The following ABHD5 variants were observed in gnomAD, a reference collection of about 807,000 sequenced individuals.
The protein encoded by ABHD5 is 1-acylglycerol-3-phosphate O-acyltransferase ABHD5.
Under a neutral mutation model 44.9 loss-of-function variants are expected in ABHD5, and 30 were observed. The ratio of observed to expected loss-of-function variants is 0.67; its 90% CI spans 0.50 to 0.91. The LOEUF (loss-of-function observed/expected upper bound fraction) is 0.91. Ranked by LOEUF, ABHD5 falls within the 40% of genes least tolerant of loss-of-function variation. The pLI is 0.00. For synonymous variants in ABHD5, 167 were observed against 147.0 expected (o/e 1.14, Z -0.99); for missense variants, 399 against 423.4 (o/e 0.94, Z 0.50).
At chr3:43,714,449 A>G (rs1256735374) in intron 4 of ABHD5, among the ~76,000 whole-genome samples, 3 of 152,038 alleles carry the variant, frequency 2.0e-5, no homozygotes, top group African/African-American at 7.2e-5. Context: ...GGCTTTTTCT[A>G]GAGTGGGGCT....
At chr3:43,702,908 G>T (rs953949090) in intron 3 of ABHD5, among the ~76,000 whole-genome samples, 1 of 152,072 alleles carries the variant, frequency 6.6e-6, no homozygotes, top group Non-Finnish European at 1.5e-5. Context: ...TATGAATCCA[G>T]CAGGCTTCGT....
chr3:43,702,179 A>C, intron 2 of ABHD5, 36 bp from the exon 3 acceptor site: 3 of 1,561,364 alleles, frequency 1.9e-6, no homozygotes, highest in Non-Finnish European at 2.6e-6. Context: ...AGAAGTAATA[A>C]AATGAAACAG....
At chr3:43,701,635 C>G (rs1207454287) in intron 2 of ABHD5, among the ~76,000 whole-genome samples, 1 of 152,184 alleles carries the variant, frequency 6.6e-6, no homozygotes, top group Non-Finnish European at 1.5e-5. Context: ...CCTGGTGTGT[C>G]ATGCTGAGGA....
chr3:43,703,047 A>G (rs906822095), intron 3 of ABHD5, among the ~76,000 whole-genome samples: 31 of 152,174 alleles, frequency 2.0e-4, no homozygotes, highest in Admixed American at 2.0e-3. Context: ...TTTTACCTAA[A>G]CTATAGAAAA....
chr3:43,718,802 G>T lies in ABHD5; in HGVS notation c.*270G>T, dbSNP rs374866960. On this transcript the variant is annotated 3_prime_UTR_variant, in exon 7 of 7. Coordinates refer to ENST00000644371, the MANE Select transcript of ABHD5 (RefSeq NM_016006.6). ...ATAAAAGGTTATTTGTCCCTCTGAT[G>T]TACTGAAAAACTGTAATTTTTCAGC... The T allele has an allele frequency of 5.6e-6, 2 of 355,860 alleles. No individual in the cohort carries two copies. Among genetic ancestry groups the T allele is most frequent in the Non-Finnish European group, 5.2e-6 (1 of 192,880 alleles). The allele number at this position is 355,860 out of a possible 1,614,324, so 22.0% of individuals were successfully genotyped here.
At chr3:43,691,269 C>T (rs1049832065) in intron 1 of ABHD5, 13 of 381,964 alleles carry the variant, frequency 3.4e-5, no homozygotes, top group Non-Finnish European at 5.0e-5. Context: ...CTGAGCCGGA[C>T]TCCGGCCGCG....
Position 43,702,318 on chromosome 3 carries a change from C to A in ABHD5, c.237C>A (p.Val79=), listed in dbSNP as rs772479012. The stretch of plus-strand genomic sequence containing the variant: ...ATATTTCAAATAAGACTCCACTTGT[C>A]CTTCTCCATGGTTTTGGAGGAGGTC... ...SHNISNKTPL[V]LLHGFGGGLG... Residue 79 remains valine (V), a synonymous_variant, in exon 3 of 7, where the codon GTC becomes GTA. Coordinates refer to ENST00000644371, the MANE Select transcript of ABHD5 (RefSeq NM_016006.6). 6.2e-7 allele frequency: 1 copy of A among 1,611,130 alleles called. No individual in the cohort carries two copies. The highest frequency in any genetic ancestry group is 1.1e-5 in the South Asian group (1 of 91,028).
At chr3:43,714,235 A>G (rs2084729610) in intron 4 of ABHD5, among the ~76,000 whole-genome samples, 1 of 151,388 alleles carries the variant, frequency 6.6e-6, no homozygotes, top group Non-Finnish European at 1.5e-5. Context: ...CCCAGGTTCA[A>G]GTGATTCTCC....
intron 4 of ABHD5, among the ~76,000 whole-genome samples, chr3:43,712,085 A>C (rs777170197): frequency 2.0e-4 from 31 of 152,186 alleles, no homozygotes; most frequent in Non-Finnish European, 3.4e-4. Context: ...AATAATTAGC[A>C]AAGCAGAAAA....
chr3:43,711,036 G>C (rs1415899385), intron 3 of ABHD5, among the ~76,000 whole-genome samples: 3 of 152,166 alleles, frequency 2.0e-5, no homozygotes, highest in Non-Finnish European at 4.4e-5. Context: ...AGAAAATTGG[G>C]AAAGAATTGA....
chr3:43,706,507 G>GCA, intron 3 of ABHD5, among the ~76,000 whole-genome samples: 1 of 149,624 alleles, frequency 6.7e-6, no homozygotes, highest in African/African-American at 2.5e-5. Flanking sequence ...TTACTCTGTT[G>GCA]CACAGTTTGG....
intron 7 of ABHD5, among the ~76,000 whole-genome samples, chr3:43,732,211 A>G (rs1366359431): frequency 1.3e-5 from 2 of 152,092 alleles, no homozygotes; most frequent in Non-Finnish European, 2.9e-5. Flanking sequence ...TGGGTGGATA[A>G]CTTGAGATCA....
At chr3:43,733,063 G>A (rs1473611484) in intron 7 of ABHD5, among the ~76,000 whole-genome samples, 3 of 152,236 alleles carry the variant, frequency 2.0e-5, no homozygotes, top group Non-Finnish European at 4.4e-5. Flanking sequence ...CAAGACAGCA[G>A]TTACAACCTT....
intron 1 of ABHD5, 80 bp downstream of exon 1, chr3:43,691,119 C>T: frequency 3.0e-6 from 4 of 1,338,280 alleles, no homozygotes; most frequent in Non-Finnish European, 3.9e-6. Flanking sequence ...CAGCGGGCAG[C>T]ACCAAGGAGT....
In ABHD5 at chr3:43,722,474, TA is replaced by T. The variant is rs2084848241; in HGVS notation, c.*3943del. On this transcript the variant is annotated 3_prime_UTR_variant, in exon 7 of 7. Coordinates refer to ENST00000644371, the MANE Select transcript of ABHD5 (RefSeq NM_016006.6). ...CTCCTTGTTAGTGGTGGTAGGGAGC[TA>T]GACAAGGATGGCAACTATTTCTGTA... The T allele has an allele frequency of 1.3e-5, 2 of 152,212 alleles. No individual in the cohort carries two copies. Among genetic ancestry groups the T allele is most frequent in the South Asian group, 4.1e-4 (2 of 4,834 alleles). The allele number at this position is 152,212 out of a possible 1,614,324, so 9.4% of individuals were successfully genotyped here.
exon 8 of ABHD5, chr3:43,733,920 G>T (rs1344605328): frequency 1.3e-5 from 2 of 152,174 alleles, no homozygotes; most frequent in Admixed American, 1.3e-4. Context: ...CAGGAAGTCT[G>T]GATTCTTGTC....
chr3:43,692,541 C>G (rs1559407789), intron 1 of ABHD5, among the ~76,000 whole-genome samples: 1 of 152,172 alleles, frequency 6.6e-6, no homozygotes, highest in Non-Finnish European at 1.5e-5. Context: ...TCCTTAGCAG[C>G]TGATCAGCCA....
chr3:43,720,508 G>T lies in ABHD5; in HGVS notation c.*1976G>T, dbSNP rs900806449. The T allele has an allele frequency of 6.6e-6, 1 of 152,178 alleles. No homozygotes were observed. The highest frequency in any genetic ancestry group is 6.5e-5 in the Admixed American group (1 of 15,278). The allele number at this position is 152,178 out of a possible 1,614,324, so 9.4% of individuals were successfully genotyped here. ...GATGTTGTAACTCTTTTTAAAGTTA[G>T]ATTTTACCCTGAGGTATAGTATATG... On this transcript the variant is annotated 3_prime_UTR_variant, in exon 7 of 7. Transcript: ENST00000644371.
intron 3 of ABHD5, among the ~76,000 whole-genome samples, chr3:43,707,157 C>A (rs1165659715): frequency 6.6e-6 from 1 of 151,802 alleles, no homozygotes; most frequent in Admixed American, 6.6e-5. Flanking sequence ...TGCTCAGTAC[C>A]CCATTAAAAA....
Sources: allele counts gnomAD v4.1 joint callset (sites outside exome capture counted in the v4.1 genomes callset), GRCh38; gene constraint gnomAD v4.1.1; transcripts MANE v1.5; gene names NCBI Gene and HGNC (gene_info 2026-07-23, HGNC 2026-07-21).